The following BMP5 variants were observed in gnomAD, a reference collection of about 807,000 sequenced individuals.
BMP5 encodes bone morphogenetic protein 5.
BMP5 carries 23 observed loss-of-function variants against 46.6 expected under a neutral mutation model. The ratio of observed to expected loss-of-function variants is 0.49; its 90% CI spans 0.35 to 0.70. BMP5 has a LOEUF of 0.70. BMP5 is among the 30% of genes least tolerant of loss of function. The pLI, the probability that BMP5 is intolerant of heterozygous loss-of-function variation, is 0.00. For missense variants in BMP5, 545 were observed against 565.6 expected, an observed-to-expected ratio of 0.96 and a Z score of 0.37; for synonymous variants, 204 against 191.9, an observed-to-expected ratio of 1.06 and a Z score of -0.52.
chr6:55,865,666 A>G (rs1360190162), intron 1 of BMP5, among the ~76,000 whole-genome samples: 1 of 152,216 alleles, frequency 6.6e-6, no homozygotes, highest in Non-Finnish European at 1.5e-5. Context: ...TATTTGACAA[A>G]GTCTTGTAGG....
intron 6 of BMP5, among the ~76,000 whole-genome samples, chr6:55,757,614 A>G (rs1193317106): frequency 6.6e-6 from 1 of 151,976 alleles, no homozygotes; most frequent in East Asian, 1.9e-4. Context: ...GCTTATACTT[A>G]CAGATAGCAA....
At chr6:55,760,678 T>G in intron 4 of BMP5, 145 bp from the exon 5 acceptor site, 1 of 691,234 alleles carries the variant, frequency 1.4e-6, no homozygotes, top group Non-Finnish European at 2.4e-6. Context: ...TAGAACTACT[T>G]ACTAACCATG....
intron 1 of BMP5, among the ~76,000 whole-genome samples, chr6:55,823,586 G>T (rs1776460540): frequency 6.6e-6 from 1 of 151,976 alleles, no homozygotes; most frequent in Non-Finnish European, 1.5e-5. Flanking sequence ...TTCATCCCAG[G>T]ATTTCAATTT....
At position 55,755,298 on chromosome 6, in the gene BMP5, C is replaced by A; in HGVS notation, c.*235G>T. The A allele has an allele frequency of 5.0e-6, 2 of 399,952 alleles. No individual in the cohort carries two copies. The highest frequency in any genetic ancestry group is 9.0e-6 in the Non-Finnish European group (2 of 222,334). 24.8% of individuals were successfully genotyped at this position (399,952 alleles called of 1,614,324 possible). A position where few individuals can be genotyped will look rare whatever the true frequency, so the allele number is the denominator to read the frequency against. ...CCCATTGAAAATTATACTAGATGATCTATTGTATAATGTAGTGGCCTATGA... is the reference window on the plus strand; with the variant it reads ...CCCATTGAAAATTATACTAGATGATATATTGTATAATGTAGTGGCCTATGA... On this transcript the variant is annotated 3_prime_UTR_variant, in exon 7 of 7. Coordinates refer to ENST00000370830, the MANE Select transcript of BMP5 (RefSeq NM_021073.4).
chr6:55,846,781 T>G (rs1474628338), intron 1 of BMP5, among the ~76,000 whole-genome samples: 1 of 151,656 alleles, frequency 6.6e-6, no homozygotes, highest in Admixed American at 6.6e-5. Context: ...ATATTTGTAT[T>G]GTTTTATCCA....
chr6:55,758,728 T>C (rs1297871072), intron 6 of BMP5, among the ~76,000 whole-genome samples: 1 of 151,896 alleles, frequency 6.6e-6, no homozygotes, highest in Non-Finnish European at 1.5e-5. Flanking sequence ...TGCTTAGTCA[T>C]ACTGTGTAAT....
At chr6:55,816,861 T>C (rs1163253633) in intron 2 of BMP5, among the ~76,000 whole-genome samples, 1 of 151,434 alleles carries the variant, frequency 6.6e-6, no homozygotes, top group African/African-American at 2.4e-5. Flanking sequence ...TTGTAAGACT[T>C]TAATATCCAG....
In BMP5 at chr6:55,874,517, G is replaced by T. The variant is rs1777857634; in HGVS notation, c.349C>A (p.Pro117Thr). ...EETRGARKGY[P>T]ASPNGYPRRI... ...CGAGGATACCCATTGGGAGAGGCTG[G>T]GTATCCCTTTCTTGCCCCTCTGGTC... Residue 117 changes from proline to threonine, a missense_variant, in exon 1 of 7, where the codon CCA becomes ACA. By Grantham distance (38) the Pro-to-Thr change is conservative. Coordinates refer to ENST00000370830, the MANE Select transcript of BMP5 (RefSeq NM_021073.4). 1 of 1,613,308 alleles carries T rather than the reference G, an allele frequency of 6.2e-7. No individual in the cohort carries two copies. Among genetic ancestry groups the T allele is most frequent in the Non-Finnish European group, 8.5e-7 (1 of 1,179,626 alleles).
chr6:55,860,244 A>G (rs1349160256), intron 1 of BMP5, among the ~76,000 whole-genome samples: 1 of 152,200 alleles, frequency 6.6e-6, no homozygotes, highest in Admixed American at 6.5e-5. Flanking sequence ...ACTGACCTCC[A>G]GCCTGGGTAA....
At chr6:55,824,899 C>T (rs1281136916) in intron 1 of BMP5, among the ~76,000 whole-genome samples, 1 of 151,836 alleles carries the variant, frequency 6.6e-6, no homozygotes, top group Non-Finnish European at 1.5e-5. Flanking sequence ...TTATGACACA[C>T]ACGTTTTGAA....
chr6:55,854,302 G>A (rs1777332330), intron 1 of BMP5, among the ~76,000 whole-genome samples: 2 of 151,984 alleles, frequency 1.3e-5, no homozygotes, highest in Admixed American at 6.6e-5. Context: ...TTTTGATAAA[G>A]TCATTGACAA....
chr6:55,857,999 A>G (rs372315931), intron 1 of BMP5, among the ~76,000 whole-genome samples: 1 of 152,284 alleles, frequency 6.6e-6, no homozygotes, highest in Non-Finnish European at 1.5e-5. Flanking sequence ...CGGCCTCCCA[A>G]AGTGCTGGGA....
chr6:55,775,253 G>A (rs1446325839), intron 3 of BMP5, among the ~76,000 whole-genome samples: 2 of 151,902 alleles, frequency 1.3e-5, no homozygotes, highest in East Asian at 3.9e-4. Context: ...TCACTTTGGA[G>A]TGGTTGCTGT....
intron 4 of BMP5, among the ~76,000 whole-genome samples, chr6:55,767,497 A>C (rs894357667): frequency 2.6e-5 from 4 of 152,030 alleles, no homozygotes; most frequent in African/African-American, 9.6e-5. Flanking sequence ...GAGAGAGGTA[A>C]TATATCTTGT....
At chr6:55,834,133 G>T (rs1349328924) in intron 1 of BMP5, among the ~76,000 whole-genome samples, 1 of 152,064 alleles carries the variant, frequency 6.6e-6, no homozygotes, top group South Asian at 2.1e-4. Context: ...TACCCTCTGA[G>T]GTGGCTTGAT....
intron 2 of BMP5, among the ~76,000 whole-genome samples, chr6:55,797,716 G>C (rs890136994): frequency 1.3e-5 from 2 of 148,970 alleles, no homozygotes; most frequent in Admixed American, 6.8e-5. Flanking sequence ...TCCAGGGTTC[G>C]TGCCATTCTC....
chr6:55,845,258 A>G (rs1777071627), intron 1 of BMP5, among the ~76,000 whole-genome samples: 1 of 152,066 alleles, frequency 6.6e-6, no homozygotes, highest in African/African-American at 2.4e-5. Context: ...TTGTGCTGAG[A>G]CAATGAAAAA....
chr6:55,835,442 T>A (rs1373271048), intron 1 of BMP5, among the ~76,000 whole-genome samples: 1 of 152,204 alleles, frequency 6.6e-6, no homozygotes, highest in African/African-American at 2.4e-5. Flanking sequence ...CTGTTTAACA[T>A]TTAGCATTAC....
chr6:55,778,853 A>G (rs1047395599), intron 3 of BMP5, among the ~76,000 whole-genome samples: 1 of 152,030 alleles, frequency 6.6e-6, no homozygotes, highest in Non-Finnish European at 1.5e-5. Flanking sequence ...TGGAGATTCA[A>G]TCCTTCTAGA....
Sources: allele counts gnomAD v4.1 joint callset (sites outside exome capture counted in the v4.1 genomes callset), GRCh38; gene constraint gnomAD v4.1.1; transcripts MANE v1.5; gene names NCBI Gene and HGNC (gene_info 2026-07-23, HGNC 2026-07-21).